MELK: variants seen among roughly 807,000 people sequenced by gnomAD.
MELK encodes pEg3 kinase.
A neutral mutation model predicts 85.0 loss-of-function variants in MELK; 81 were observed. The ratio of observed to expected loss-of-function variants is 0.95; its 90% CI spans 0.80 to 1.15. MELK has a LOEUF of 1.15. Ranked by LOEUF, MELK falls within the 50% of genes most tolerant of loss-of-function variation. MELK has a pLI of 0.00. For missense variants in MELK, 754 were observed against 777.5 expected (o/e 0.97, Z 0.36); for synonymous variants, 252 against 265.0 (o/e 0.95, Z 0.48).
Position 36,597,235 on chromosome 9 carries a change from T to C in MELK, c.419T>C (p.Phe140Ser), listed in dbSNP as rs1008019121. The stretch of plus-strand genomic sequence containing the variant: ...TTGTTTTCCCAGGAAAATTTGCTGT[T>C]TGATGAATATCATAAATTAAAGCTG... ...HRDLKPENLL[F>S]DEYHKLKLID... Residue 140 changes from phenylalanine to serine, a missense_variant, in exon 6 of 18, where the codon TTT becomes TCT. Phe to Ser is a radical substitution (Grantham distance 155). Transcript: ENST00000298048. 22 of 1,613,644 alleles carry C rather than the reference T, an allele frequency of 1.4e-5. No individual in the cohort carries two copies. Among genetic ancestry groups the C allele is most frequent in the Non-Finnish European group, 1.9e-5 (22 of 1,179,670 alleles).
At chr9:36,671,221 C>CT in intron 16 of MELK, 55 bp downstream of exon 16, 1 of 1,432,380 alleles carries the variant, frequency 7.0e-7, no homozygotes, top group Non-Finnish European at 9.2e-7. Context: ...TAATGGACTG[C>CT]CTTTTTTTTT....
intron 8 of MELK, among the ~76,000 whole-genome samples, chr9:36,627,060 A>ACACACACACACACACG (rs997330656): frequency 6.8e-6 from 1 of 147,968 alleles, no homozygotes; most frequent in African/African-American, 2.6e-5. Context: ...GCAAACACAC[A>ACACACACACACACACG]CACACACACA....
intron 8 of MELK, among the ~76,000 whole-genome samples, chr9:36,617,152 T>G (rs2136127344): frequency 6.6e-6 from 1 of 152,226 alleles, no homozygotes; most frequent in Non-Finnish European, 1.5e-5. Flanking sequence ...CCAAATTGCT[T>G]CCCAGTAAAG....
intron 7 of MELK, among the ~76,000 whole-genome samples, chr9:36,604,221 G>A (rs1035883799): frequency 1.4e-5 from 2 of 147,970 alleles, no homozygotes; most frequent in Non-Finnish European, 3.0e-5. Context: ...TGCCCACCTC[G>A]GCTTCCCAAA....
intron 8 of MELK, among the ~76,000 whole-genome samples, chr9:36,624,230 C>T (rs985586798): frequency 2.0e-5 from 3 of 151,950 alleles, no homozygotes; most frequent in Non-Finnish European, 4.4e-5. Flanking sequence ...ACTACAGGCA[C>T]GTGCCACCAC....
intron 8 of MELK, among the ~76,000 whole-genome samples, chr9:36,608,297 AAAAAAAG>A (rs1825757512): frequency 2.0e-5 from 3 of 150,262 alleles, no homozygotes; most frequent in Admixed American, 2.0e-4. Context: ...AAAAAAAAAA[AAAAAAAG>A]GCACATTCAC....
chr9:36,604,752 T>C, intron 7 of MELK, among the ~76,000 whole-genome samples: 1 of 151,924 alleles, frequency 6.6e-6, no homozygotes, highest in East Asian at 1.9e-4. Context: ...CAAGCGATTC[T>C]CCTGCCTCAG....
intron 12 of MELK, among the ~76,000 whole-genome samples, chr9:36,656,370 A>C (rs2137439080): frequency 6.6e-6 from 1 of 152,364 alleles, no homozygotes. Context: ...TATATAACAT[A>C]AGAATGTTGC....
intron 1 of MELK, among the ~76,000 whole-genome samples, chr9:36,577,032 C>T (rs764881458): frequency 6.6e-6 from 1 of 152,270 alleles, no homozygotes; most frequent in East Asian, 1.9e-4. Context: ...TCTTATTAAG[C>T]TCTGTCTTCC....
intron 8 of MELK, among the ~76,000 whole-genome samples, chr9:36,623,598 A>G (rs1321026677): frequency 6.6e-6 from 1 of 152,212 alleles, no homozygotes; most frequent in Non-Finnish European, 1.5e-5. Flanking sequence ...GCTTGCCTAG[A>G]CGATGTGTAC....
At position 36,657,370 on chromosome 9, in the gene MELK, C is replaced by T. The variant is rs753801166; in HGVS notation, c.1176+7C>T. The T allele has an allele frequency of 5.0e-6, 8 of 1,599,984 alleles. No homozygotes were observed. The highest frequency in any genetic ancestry group is 1.8e-5 in the Admixed American group (1 of 56,058). On this transcript the variant is annotated splice_region_variant and intron_variant, in intron 13 of 17. Transcript: ENST00000298048. ...TACTCCCCGAACATCACAGGTTCGT[C>T]ATTCTTATTACTATTTAAGGCAGAA...
chr9:36,630,640 A>ATTAT (rs1221280028), intron 9 of MELK, among the ~76,000 whole-genome samples: 4 of 151,584 alleles, frequency 2.6e-5, no homozygotes, highest in Non-Finnish European at 4.4e-5. Context: ...TTATTCCAAA[A>ATTAT]TTATTGATTG....
At chr9:36,657,769 G>T (rs1164604160) in intron 13 of MELK, among the ~76,000 whole-genome samples, 1 of 152,114 alleles carries the variant, frequency 6.6e-6, no homozygotes. Flanking sequence ...ATTTTTAGTA[G>T]AGACAGGGTT....
chr9:36,642,319 T>A (rs1829827403), intron 10 of MELK, among the ~76,000 whole-genome samples: 1 of 152,022 alleles, frequency 6.6e-6, no homozygotes, highest in African/African-American at 2.4e-5. Flanking sequence ...GTATAGCCAC[T>A]GATTTTAGAT....
intron 13 of MELK, among the ~76,000 whole-genome samples, chr9:36,660,037 G>T (rs1340841621): frequency 1.3e-5 from 2 of 152,070 alleles, no homozygotes; most frequent in African/African-American, 4.8e-5. Context: ...GACCTCAAGT[G>T]ATCCACCTGC....
chr9:36,599,403 G>T lies in MELK; in HGVS notation c.484G>T (p.Asp162Tyr). ...GLCAKPKGNK[D>Y]YHLQTCCGSL... Reference sequence around the variant, plus strand: ...TTTATCTTATTGGCAGGGTAACAAGGATTACCATCTACAGACATGCTGTGG... The same window carrying T: ...TTTATCTTATTGGCAGGGTAACAAGTATTACCATCTACAGACATGCTGTGG... Residue 162 changes from aspartate to tyrosine, a missense_variant, in exon 7 of 18, where the codon GAT becomes TAT. Asp to Tyr is a radical substitution (Grantham distance 160). Transcript: ENST00000298048. 1 of 1,610,252 alleles carries T rather than the reference G, an allele frequency of 6.2e-7. No individual in the cohort carries two copies. The highest frequency in any genetic ancestry group is 8.5e-7 in the Non-Finnish European group (1 of 1,177,036).
chr9:36,633,410 C>CA (rs1382443250), intron 10 of MELK, among the ~76,000 whole-genome samples: 1 of 152,190 alleles, frequency 6.6e-6, no homozygotes, highest in African/African-American at 2.4e-5. Flanking sequence ...GCCTGCTCCC[C>CA]ATCCCAGAAC....
In MELK at chr9:36,639,826, C is replaced by A. The variant is rs187647011; in HGVS notation, c.835-3171C>A. Among the ~76,000 whole-genome samples, 1,410 of 152,134 alleles carry A rather than the reference C, an allele frequency of 9.3e-3. 16 individuals carry two copies. The highest frequency in any genetic ancestry group is 0.029 in the African/African-American group (1,186 of 41,494). On this transcript the variant is annotated intron_variant, in intron 10 of 17. Coordinates refer to ENST00000298048, the MANE Select transcript of MELK (RefSeq NM_014791.4). ...TGGTAAAGGTACAGGCAGGAGGCTGCGGGAGAGAGGGGTTCTTTTACAGTT... is the reference window on the plus strand; with the variant it reads ...TGGTAAAGGTACAGGCAGGAGGCTGAGGGAGAGAGGGGTTCTTTTACAGTT...
At chr9:36,655,668 T>G (rs922296227) in intron 12 of MELK, among the ~76,000 whole-genome samples, 8 of 152,240 alleles carry the variant, frequency 5.3e-5, no homozygotes, top group African/African-American at 1.9e-4. Flanking sequence ...GGGTGATATG[T>G]GTGCTATTAG....
Sources: allele counts gnomAD v4.1 joint callset (sites outside exome capture counted in the v4.1 genomes callset), GRCh38; gene constraint gnomAD v4.1.1; transcripts MANE v1.5; gene names NCBI Gene and HGNC (gene_info 2026-07-23, HGNC 2026-07-21).